The following SORL1-AS1 variants were observed in gnomAD, a reference collection of about 807,000 sequenced individuals.
The protein encoded by SORL1-AS1 is lncRNA 51 A.
At position 121,452,165 on chromosome 11, in the gene SORL1-AS1, G is replaced by C. The variant is rs1860804628; in HGVS notation, n.339+510C>G. 1 of 193,808 alleles carries C rather than the reference G, an allele frequency of 5.2e-6. No individual in the cohort carries two copies. The highest frequency in any genetic ancestry group is 9.3e-6 in the Non-Finnish European group (1 of 107,132). The allele number at this position is 193,808 out of a possible 1,614,324, so 12.0% of individuals were successfully genotyped here. ...GTGACGGCGCCGCGCCGAACCGAGC[G>C]GGACCTGGCGGCAGCGGCGGCGGGC... On this transcript the variant is annotated intron_variant and non_coding_transcript_variant, in intron 1 of 1. Transcript: ENST00000501964. This position sits in a 1 kb window ranked among gnomAD's most constrained non-coding sequence, Gnocchi z 5.3.
chr11:121,439,116 A>C, the SORL1-AS1 span, among the ~76,000 whole-genome samples: 1 of 152,238 alleles, frequency 6.6e-6, no homozygotes, highest in Non-Finnish European at 1.5e-5. Context: ...TGGAATTTTT[A>C]GATCACATGA....
chr11:121,445,409 C>T (rs149934985), downstream of SORL1-AS1, among the ~76,000 whole-genome samples: 215 of 152,330 alleles, frequency 1.4e-3, 1 homozygote, highest in African/African-American at 4.8e-3. Context: ...ACGGCCTCCA[C>T]GGATCCCTGC....
At chr11:121,439,012 C>T in the SORL1-AS1 span, among the ~76,000 whole-genome samples, 808 of 152,226 alleles carry the variant, frequency 5.3e-3, 8 homozygotes, top group African/African-American at 0.018. Context: ...GGCGGCAGAG[C>T]GAGACTCTGT....
exon 2 of SORL1-AS1, chr11:121,448,925 G>C (rs1373598656): frequency 1.3e-5 from 2 of 152,260 alleles, no homozygotes; most frequent in Non-Finnish European, 2.9e-5. Context: ...AGGCTGAATA[G>C]AAGTTGGCCA....
chr11:121,445,566 C>T (rs752761251), downstream of SORL1-AS1, among the ~76,000 whole-genome samples: 37 of 152,034 alleles, frequency 2.4e-4, no homozygotes, highest in Non-Finnish European at 3.7e-4. Flanking sequence ...CCTACCTTGC[C>T]GCCACTCTAC....
the SORL1-AS1 span, among the ~76,000 whole-genome samples, chr11:121,439,795 A>T: frequency 2.0e-5 from 3 of 152,166 alleles, no homozygotes; most frequent in Non-Finnish European, 4.4e-5. Context: ...TCTAAGTTAA[A>T]TATCTCATTT....
downstream of SORL1-AS1, among the ~76,000 whole-genome samples, chr11:121,446,683 G>A (rs1175628626): frequency 6.6e-6 from 1 of 151,944 alleles, no homozygotes; most frequent in Non-Finnish European, 1.5e-5. Flanking sequence ...CTCAGGGGGT[G>A]GAGGTTGCAG....
At chr11:121,440,011 G>A in the SORL1-AS1 span, among the ~76,000 whole-genome samples, 1 of 152,156 alleles carries the variant, frequency 6.6e-6, no homozygotes, top group Non-Finnish European at 1.5e-5. Flanking sequence ...ACAGTGTTCT[G>A]GGTGGGGAGG....
chr11:121,443,109 T>C (rs1168634657), downstream of SORL1-AS1, among the ~76,000 whole-genome samples: 1 of 152,182 alleles, frequency 6.6e-6, no homozygotes, highest in Non-Finnish European at 1.5e-5. Context: ...CTTGAATACT[T>C]CTGACTTTAC....
the SORL1-AS1 span, among the ~76,000 whole-genome samples, chr11:121,441,726 G>A: frequency 6.6e-6 from 1 of 151,976 alleles, no homozygotes; most frequent in Non-Finnish European, 1.5e-5. Flanking sequence ...ACAGACAAAG[G>A]AGGCACCCTG....
exon 2 of SORL1-AS1, chr11:121,449,795 C>T (rs935197911): frequency 1.3e-5 from 2 of 152,126 alleles, no homozygotes; most frequent in Admixed American, 1.3e-4. Flanking sequence ...TGGCCAAGTC[C>T]CCACAGCTAG....
chr11:121,452,496 G>C lies in SORL1-AS1; in HGVS notation n.339+179C>G. 27 of 1,481,576 alleles carry C rather than the reference G, an allele frequency of 1.8e-5. No homozygotes were observed. The highest frequency in any genetic ancestry group is 2.4e-5 in the Non-Finnish European group (27 of 1,118,802). The allele number at this position is 1,481,576 out of a possible 1,614,324, so 91.8% of individuals were successfully genotyped here. On this transcript the variant is annotated intron_variant and non_coding_transcript_variant, in intron 1 of 1. Transcript: ENST00000501964. The surrounding 1 kb of genome is among the most constrained non-coding windows in gnomAD (Gnocchi z 5.3). ...GCTTCCTCGTGGTGCAGGGCGACCCGCGCGAGCTGCGGCTGTGGGCGCGCG... is the reference window on the plus strand; with the variant it reads ...GCTTCCTCGTGGTGCAGGGCGACCCCCGCGAGCTGCGGCTGTGGGCGCGCG...
chr11:121,442,715 G>C, downstream of SORL1-AS1, among the ~76,000 whole-genome samples: 1 of 147,672 alleles, frequency 6.8e-6, no homozygotes, highest in African/African-American at 2.5e-5. Context: ...GTCTTGCTCT[G>C]TCGCCCAGGC....
At chr11:121,441,017 G>A in the SORL1-AS1 span, among the ~76,000 whole-genome samples, 1 of 152,196 alleles carries the variant, frequency 6.6e-6, no homozygotes, top group Non-Finnish European at 1.5e-5. Context: ...ACTGGTTGCA[G>A]AAGTAACTAT....
At chr11:121,439,464 CT>C in the SORL1-AS1 span, among the ~76,000 whole-genome samples, 7 of 151,922 alleles carry the variant, frequency 4.6e-5, no homozygotes, top group Admixed American at 3.9e-4. Flanking sequence ...TTTGTACATT[CT>C]GTTTATGAGT....
chr11:121,452,740 T>A lies in SORL1-AS1; in HGVS notation n.274A>T. The A allele has an allele frequency of 1.2e-6, 1 of 860,414 alleles. No homozygotes were observed. Among genetic ancestry groups the A allele is most frequent in the Non-Finnish European group, 1.6e-6 (1 of 611,328 alleles). The allele number at this position is 860,414 out of a possible 1,614,324, so 53.3% of individuals were successfully genotyped here. A position where few individuals can be genotyped will look rare whatever the true frequency, so the allele number is the denominator to read the frequency against. On this transcript the variant is annotated non_coding_transcript_exon_variant, in exon 1 of 2. Coordinates refer to ENST00000501964, the Ensembl canonical transcript of SORL1-AS1. This position sits in a 1 kb window ranked among gnomAD's most constrained non-coding sequence, Gnocchi z 5.3. ...ACCACTGGGGACTTCCCGGCTTGCA[T>A]TTGTTTTTTTCCTTCACGAGTACAA...
downstream of SORL1-AS1, among the ~76,000 whole-genome samples, chr11:121,446,028 A>G (rs1256796484): frequency 6.6e-6 from 1 of 152,140 alleles, no homozygotes; most frequent in Non-Finnish European, 1.5e-5. Context: ...AACTAGAATG[A>G]AAAATTCAGT....
Position 121,452,230 on chromosome 11 carries a change from C to T in SORL1-AS1, n.339+445G>A. 1.1e-6 allele frequency: 1 copy of T among 950,406 alleles called. No homozygotes were observed. Among genetic ancestry groups the T allele is most frequent in the African/African-American group, 1.7e-5 (1 of 57,436 alleles). 58.9% of individuals were successfully genotyped at this position (950,406 alleles called of 1,614,324 possible). On this transcript the variant is annotated intron_variant and non_coding_transcript_variant, in intron 1 of 1. Coordinates refer to ENST00000501964, the Ensembl canonical transcript of SORL1-AS1. This position sits in a 1 kb window ranked among gnomAD's most constrained non-coding sequence, Gnocchi z 5.3. ...CGGAGCGGCGCGGGCGGCCTGGAGC[C>T]CCGGGAGCGGCGCGCGCGGTCCCGG...
rs940310687 is a variant in SORL1-AS1, at chr11:121,450,344, G to C, written n.340-445C>G. Among the ~76,000 whole-genome samples, 1 of 152,102 alleles carries C rather than the reference G, an allele frequency of 6.6e-6. No homozygotes were observed. Among genetic ancestry groups the C allele is most frequent in the Non-Finnish European group, 1.5e-5 (1 of 68,036 alleles). Reference sequence around the variant, plus strand: ...GAGACCATGGGGTTGTCCATTCCTGGTAAGGTGATGCTGACCAGACAGAGC... The same window carrying C: ...GAGACCATGGGGTTGTCCATTCCTGCTAAGGTGATGCTGACCAGACAGAGC... On this transcript the variant is annotated intron_variant and non_coding_transcript_variant, in intron 1 of 1. Transcript: ENST00000501964. The surrounding 1 kb of genome is among the most constrained non-coding windows in gnomAD (Gnocchi z 5.2).
Sources: allele counts gnomAD v4.1 joint callset (sites outside exome capture counted in the v4.1 genomes callset), GRCh38; gene constraint gnomAD v4.1.1; non-coding constraint Gnocchi (gnomAD v3.1); transcripts MANE v1.5; gene names NCBI Gene and HGNC (gene_info 2026-07-23, HGNC 2026-07-21).